Variants in POLA1 observed in about 807,000 individuals in gnomAD.
The protein encoded by POLA1 is DNA polymerase alpha catalytic subunit.
A neutral mutation model predicts 124.0 loss-of-function variants in POLA1; 15 were observed. The ratio of observed to expected loss-of-function variants is 0.12; its 90% CI spans 0.08 to 0.19. The LOEUF (loss-of-function observed/expected upper bound fraction) is 0.19, where lower values mean the gene tolerates loss of function less well. Among genes scored for constraint, POLA1 ranks in the 10% least tolerant of loss-of-function variants. The probability of loss-of-function intolerance (pLI) is 1.00; values close to 1 mark genes in which losing one functional copy is unlikely to be tolerated. For missense variants in POLA1, 886 were observed against 1,103.4 expected, an observed-to-expected ratio of 0.80 and a Z score of 2.79; for synonymous variants, 408 against 389.4, an observed-to-expected ratio of 1.05 and a Z score of -0.56.
intron 34 of POLA1, among the ~76,000 whole-genome samples, chrX:24,868,672 C>T (rs1242479326): frequency 9.0e-6 from 1 of 111,377 alleles, no homozygotes; most frequent in African/African-American, 3.3e-5. Context: ...TCTCATTAAC[C>T]AACAAACCAT....
chrX:24,993,016 T>C (rs2048553114), intron 36 of POLA1, among the ~76,000 whole-genome samples: 1 of 112,256 alleles, frequency 8.9e-6, no homozygotes, highest in Non-Finnish European at 1.9e-5. Context: ...ATCGTTTTCA[T>C]AGGGGTTAGG....
intron 26 of POLA1, among the ~76,000 whole-genome samples, chrX:24,750,056 A>T (rs1270840470): frequency 8.9e-6 from 1 of 111,943 alleles, no homozygotes; most frequent in Non-Finnish European, 1.9e-5. Context: ...CCATCGGGGC[A>T]AATGCAGCCT....
chrX:24,910,664 C>A (rs1014802646), intron 35 of POLA1, among the ~76,000 whole-genome samples: 1 of 111,491 alleles, frequency 9.0e-6, no homozygotes, highest in East Asian at 2.8e-4. Flanking sequence ...AAGAGGAATA[C>A]TACATAATGA....
At chrX:24,725,911 A>C (rs1329003036) in intron 12 of POLA1, 70 bp from the exon 13 acceptor site, 1 of 632,524 alleles carries the variant, frequency 1.6e-6, no homozygotes, top group Non-Finnish European at 2.5e-6. Context: ...ATACAAGAGC[A>C]TGTATTGTAA....
intron 26 of POLA1, among the ~76,000 whole-genome samples, chrX:24,796,007 G>C (rs11573407): frequency 1.9e-4 from 21 of 111,496 alleles, no homozygotes; most frequent in Non-Finnish European, 3.2e-4. Context: ...TATTGAATAA[G>C]TATAAATGGT....
chrX:24,916,280 C>T (rs867004761), intron 35 of POLA1, among the ~76,000 whole-genome samples: 1 of 101,483 alleles, frequency 9.9e-6, no homozygotes. Flanking sequence ...CTTTTTTTTT[C>T]TTTTTTCTTT....
At chrX:24,936,050 C>T (rs890960542) in intron 36 of POLA1, among the ~76,000 whole-genome samples, 5 of 112,281 alleles carry the variant, frequency 4.5e-5, no homozygotes, top group African/African-American at 1.6e-4. Flanking sequence ...AAGCCTACTG[C>T]TCCTCACCCA....
chrX:24,995,323 A>G lies in POLA1; in HGVS notation c.4262-482A>G, dbSNP rs760196004. Among the ~76,000 whole-genome samples, 16 of 111,840 alleles carry G rather than the reference A, an allele frequency of 1.4e-4. No homozygotes were observed. In the South Asian group the frequency reaches 5.3e-3, roughly 37 times the overall value. Reference sequence around the variant, plus strand: ...TTCAGCAAAGGAAATTTTGTTTAGCAGAGGGACTTGGGCTGGAGGGACTAG... The same window carrying G: ...TTCAGCAAAGGAAATTTTGTTTAGCGGAGGGACTTGGGCTGGAGGGACTAG... On this transcript the variant is annotated intron_variant, in intron 36 of 36. Coordinates refer to ENST00000379068, the MANE Select transcript of POLA1 (RefSeq NM_001330360.2).
At chrX:24,757,338 T>C (rs781725121) in intron 26 of POLA1, among the ~76,000 whole-genome samples, 4 of 110,790 alleles carry the variant, frequency 3.6e-5, no homozygotes, top group Non-Finnish European at 5.7e-5. Flanking sequence ...TAGTACACAT[T>C]AATAGTTATT....
At chrX:24,950,892 G>A (rs1340886062) in intron 36 of POLA1, among the ~76,000 whole-genome samples, 1 of 112,101 alleles carries the variant, frequency 8.9e-6, no homozygotes, top group Non-Finnish European at 1.9e-5. Context: ...GCTGGTGTAA[G>A]TTGGAACAGA....
intron 36 of POLA1, among the ~76,000 whole-genome samples, chrX:24,952,925 T>C (rs1176359307): frequency 8.9e-6 from 1 of 112,155 alleles, no homozygotes; most frequent in African/African-American, 3.2e-5. Flanking sequence ...ATTTTTGTTA[T>C]TTGGTTGCCA....
chrX:24,719,341 T>C (rs909407330), intron 10 of POLA1, among the ~76,000 whole-genome samples: 1 of 111,799 alleles, frequency 8.9e-6, no homozygotes, highest in African/African-American at 3.3e-5. Flanking sequence ...CAAATATATA[T>C]AAACTCTTGA....
At chrX:24,795,337 C>G (rs995302103) in intron 26 of POLA1, among the ~76,000 whole-genome samples, 1 of 111,724 alleles carries the variant, frequency 9.0e-6, no homozygotes, top group African/African-American at 3.3e-5. Flanking sequence ...GACTTATGTG[C>G]TTTTCTGAAG....
At chrX:24,912,390 C>A (rs1000100733) in intron 35 of POLA1, among the ~76,000 whole-genome samples, 8 of 111,723 alleles carry the variant, frequency 7.2e-5, no homozygotes, top group African/African-American at 2.6e-4. Context: ...AAATTAAAAA[C>A]CTTTGATCTG....
intron 26 of POLA1, among the ~76,000 whole-genome samples, chrX:24,778,021 G>A (rs1301552557): frequency 8.9e-6 from 1 of 112,025 alleles, no homozygotes; most frequent in African/African-American, 3.2e-5. Flanking sequence ...TAAAAGAAAA[G>A]CATTATTTTA....
chrX:24,978,181 T>C (rs2048386270), intron 36 of POLA1, among the ~76,000 whole-genome samples: 1 of 110,049 alleles, frequency 9.1e-6, no homozygotes, highest in Admixed American at 9.7e-5. Flanking sequence ...AATCAGAGAG[T>C]TTTCAATGTA....
intron 26 of POLA1, among the ~76,000 whole-genome samples, chrX:24,807,191 G>A (rs778999338): frequency 4.1e-4 from 46 of 112,058 alleles, no homozygotes; most frequent in South Asian, 3.0e-3. Flanking sequence ...AGTAGATTTG[G>A]TTCATGTTGT....
At chrX:24,830,285 A>G (rs1373233030) in intron 32 of POLA1, among the ~76,000 whole-genome samples, 2 of 111,271 alleles carry the variant, frequency 1.8e-5, no homozygotes, top group African/African-American at 6.5e-5. Context: ...GAAATTCTCT[A>G]TTTCTCCCCA....
chrX:24,768,499 T>G (rs1932962573), intron 26 of POLA1, among the ~76,000 whole-genome samples: 1 of 112,357 alleles, frequency 8.9e-6, no homozygotes, highest in Non-Finnish European at 1.9e-5. Flanking sequence ...GTGAAGGTCA[T>G]AGGTTGTTTG....
Sources: gnomAD v4.1 joint callset for allele counts (sites outside exome capture counted in the v4.1 genomes callset) on GRCh38, gnomAD v4.1.1 for gene constraint, MANE v1.5 for transcripts, NCBI Gene and HGNC (gene_info 2026-07-23, HGNC 2026-07-21) for gene names.